Variants in MACROD2 observed in about 807,000 individuals in gnomAD.
The protein encoded by MACROD2 is mono-ADP ribosylhydrolase 2, also known as ADP-ribose glycohydrolase MACROD2.
A neutral mutation model predicts 70.4 loss-of-function variants in MACROD2; 36 were observed. That is an observed-to-expected ratio of 0.51 (90% CI 0.39 to 0.68). The LOEUF (loss-of-function observed/expected upper bound fraction) is 0.68. MACROD2 is among the 30% of genes least tolerant of loss of function. The pLI is 0.00. For missense variants in MACROD2, 496 were observed against 538.4 expected (o/e 0.92, Z 0.78); for synonymous variants, 172 against 178.8 (o/e 0.96, Z 0.30).
chr20:15,629,876 G>A (rs528255296), intron 8 of MACROD2, among the ~76,000 whole-genome samples: 11 of 152,190 alleles, frequency 7.2e-5, no homozygotes, highest in Non-Finnish European at 1.3e-4. Context: ...TCAAAAGAAC[G>A]ATGTCTACAC....
intron 3 of MACROD2, among the ~76,000 whole-genome samples, chr20:14,130,586 A>C (rs1008692916): frequency 6.6e-6 from 1 of 152,154 alleles, no homozygotes; most frequent in Admixed American, 6.5e-5. Flanking sequence ...TACCGTTAGC[A>C]TAGGAAAATT....
intron 5 of MACROD2, among the ~76,000 whole-genome samples, chr20:15,116,886 AC>A (rs2075995535): frequency 6.6e-6 from 1 of 152,144 alleles, no homozygotes; most frequent in Non-Finnish European, 1.5e-5. Context: ...GGTGTCCTTA[AC>A]CCCTGTGTTG....
At chr20:13,996,537 A>G (rs1284550754) in intron 1 of MACROD2, 2 of 152,358 alleles carry the variant, frequency 1.3e-5, no homozygotes, top group Admixed American at 1.3e-4. Flanking sequence ...TTTGTGACTA[A>G]TGTCACTCTG....
intron 4 of MACROD2, among the ~76,000 whole-genome samples, chr20:14,580,101 G>T (rs1325256473): frequency 6.6e-6 from 1 of 152,082 alleles, no homozygotes; most frequent in African/African-American, 2.4e-5. Context: ...GTTGATTAGA[G>T]GTCTTCTTCA....
chr20:15,464,488 C>T (rs2046859597), intron 7 of MACROD2, among the ~76,000 whole-genome samples: 1 of 152,164 alleles, frequency 6.6e-6, no homozygotes, highest in Non-Finnish European at 1.5e-5. Flanking sequence ...GTCACTTGCC[C>T]TATGAACTAG....
intron 5 of MACROD2, among the ~76,000 whole-genome samples, chr20:14,733,237 T>C (rs977656109): frequency 1.3e-5 from 2 of 152,150 alleles, no homozygotes; most frequent in African/African-American, 4.8e-5. Context: ...AGTGTTTATC[T>C]TTTTTGACAT....
Position 14,106,677 on chromosome 20 carries a change from G to A in MACROD2, c.271+20949G>A, listed in dbSNP as rs541248554. Among the ~76,000 whole-genome samples the A allele has an allele frequency of 2.6e-4, 40 of 152,274 alleles. No homozygotes were observed. The South Asian group carries it at 7.7e-3, about 29-fold the overall frequency. On this transcript the variant is annotated intron_variant, in intron 3 of 17. Transcript: ENST00000684519. ...AACCAGCATTGTCCCAGTGGTGGTG[G>A]TCACAAGGATATGTGTGTCCCTATA...
intron 6 of MACROD2, among the ~76,000 whole-genome samples, chr20:15,412,156 AAG>A (rs2046087317): frequency 6.6e-6 from 1 of 152,196 alleles, no homozygotes; most frequent in Non-Finnish European, 1.5e-5. Context: ...CTGTTGGAAA[AAG>A]AGCTGTAAAC....
intron 8 of MACROD2, among the ~76,000 whole-genome samples, chr20:15,628,626 C>A (rs909482805): frequency 2.0e-5 from 3 of 152,218 alleles, no homozygotes; most frequent in Non-Finnish European, 4.4e-5. Context: ...ACAGGCTTGG[C>A]TGGAGAAGTC....
intron 8 of MACROD2, among the ~76,000 whole-genome samples, chr20:15,620,818 A>G (rs759268573): frequency 6.6e-6 from 1 of 152,002 alleles, no homozygotes; most frequent in Non-Finnish European, 1.5e-5. Context: ...TGCCGGTTAG[A>G]TGGCATCTTT....
intron 6 of MACROD2, among the ~76,000 whole-genome samples, chr20:15,424,648 A>C (rs1344278530): frequency 6.6e-6 from 1 of 152,166 alleles, no homozygotes; most frequent in Non-Finnish European, 1.5e-5. Context: ...TGAGCACAGG[A>C]CTTTGAGGCT....
At chr20:15,423,061 C>T (rs1445709701) in intron 6 of MACROD2, among the ~76,000 whole-genome samples, 1 of 150,790 alleles carries the variant, frequency 6.6e-6, no homozygotes, top group Admixed American at 6.6e-5. Flanking sequence ...ACAAGCATTA[C>T]TTGTTATGAT....
chr20:14,587,788 T>C (rs1981483735), intron 4 of MACROD2, among the ~76,000 whole-genome samples: 1 of 152,072 alleles, frequency 6.6e-6, no homozygotes, highest in Non-Finnish European at 1.5e-5. Context: ...TTTGATGTGT[T>C]GCTATATTTT....
intron 8 of MACROD2, among the ~76,000 whole-genome samples, chr20:15,786,161 T>TAAAAA (rs10641335): frequency 6.9e-6 from 1 of 144,640 alleles, no homozygotes; most frequent in Non-Finnish European, 1.5e-5. Flanking sequence ...TTAACAATAT[T>TAAAAA]AAAAAAAAAA....
At chr20:15,338,733 G>T (rs1428207167) in intron 6 of MACROD2, among the ~76,000 whole-genome samples, 1 of 151,698 alleles carries the variant, frequency 6.6e-6, no homozygotes, top group Non-Finnish European at 1.5e-5. Flanking sequence ...ATGGGGCTTG[G>T]ATTATGAACA....
intron 5 of MACROD2, among the ~76,000 whole-genome samples, chr20:15,157,037 T>C (rs2076311506): frequency 6.6e-6 from 1 of 152,264 alleles, no homozygotes; most frequent in East Asian, 1.9e-4. Flanking sequence ...ATTACTGTTA[T>C]CTTTCACCAC....
chr20:14,296,312 T>C (rs986057105), intron 3 of MACROD2, among the ~76,000 whole-genome samples: 39 of 152,062 alleles, frequency 2.6e-4, no homozygotes, highest in African/African-American at 8.2e-4. Context: ...ACCCAACATA[T>C]TTATATGTGT....
At chr20:15,987,232 A>C (rs2066498785) in intron 15 of MACROD2, 74 bp downstream of exon 15, 1 of 1,221,436 alleles carries the variant, frequency 8.2e-7, no homozygotes, top group Non-Finnish European at 1.2e-6. Flanking sequence ...TCAACCATCA[A>C]AGTTATTCTC....
intron 5 of MACROD2, among the ~76,000 whole-genome samples, chr20:14,771,791 G>C (rs565240325): frequency 6.6e-6 from 1 of 151,120 alleles, no homozygotes; most frequent in Non-Finnish European, 1.5e-5. Flanking sequence ...ATATGTATGT[G>C]TATATATATA....
Sources: gnomAD v4.1 joint callset for allele counts (sites outside exome capture counted in the v4.1 genomes callset) on GRCh38, gnomAD v4.1.1 for gene constraint, MANE v1.5 for transcripts, NCBI Gene and HGNC (gene_info 2026-07-23, HGNC 2026-07-21) for gene names.